CDKAL1: variants seen among roughly 807,000 people sequenced by gnomAD.
CDKAL1 encodes the protein CDKAL1 threonylcarbamoyladenosine tRNA methylthiotransferase, also known as threonylcarbamoyladenosine tRNA methylthiotransferase.
CDKAL1 carries 32 observed loss-of-function variants against 68.2 expected under a neutral mutation model. That is an observed-to-expected ratio of 0.47 (90% CI 0.35 to 0.63). The LOEUF (loss-of-function observed/expected upper bound fraction) is 0.63, where lower values mean the gene tolerates loss of function less well. Ranked by LOEUF, CDKAL1 falls within the 30% of genes least tolerant of loss-of-function variation. The probability of loss-of-function intolerance (pLI) is 0.00; values close to 1 mark genes in which losing one functional copy is unlikely to be tolerated. For missense variants in CDKAL1, 606 were observed against 696.7 expected (o/e 0.87, Z 1.47); for synonymous variants, 234 against 244.3 (o/e 0.96, Z 0.39).
intron 10 of CDKAL1, among the ~76,000 whole-genome samples, chr6:20,992,062 C>CT (rs1561943226): frequency 3.0e-5 from 3 of 101,692 alleles, no homozygotes; most frequent in Non-Finnish European, 5.4e-5. Context: ...TTGAGATACT[C>CT]TATCACCCAG....
At chr6:21,199,087 T>C (rs1459077441) in intron 14 of CDKAL1, among the ~76,000 whole-genome samples, 2 of 152,188 alleles carry the variant, frequency 1.3e-5, no homozygotes, top group Non-Finnish European at 2.9e-5. Context: ...TTCTTTCTTA[T>C]CAGATAAGAG....
At chr6:21,003,343 A>AATATATATAT (rs71540608) in intron 11 of CDKAL1, among the ~76,000 whole-genome samples, 2,753 of 40,322 alleles carry the variant, frequency 0.068, 349 homozygotes, top group Non-Finnish European at 0.1. Context: ...ATCTCTACTA[A>AATATATATAT]ATATATATAT....
intron 10 of CDKAL1, among the ~76,000 whole-genome samples, chr6:20,960,282 G>C (rs1764990885): frequency 1.3e-5 from 2 of 152,130 alleles, no homozygotes; most frequent in African/African-American, 4.8e-5. Context: ...GTGCCTGGCT[G>C]TTATTTTTGT....
chr6:21,153,386 G>T (rs1448677898), intron 13 of CDKAL1, among the ~76,000 whole-genome samples: 2 of 152,014 alleles, frequency 1.3e-5, no homozygotes, highest in African/African-American at 4.8e-5. Context: ...CCTCTATTCT[G>T]ATAAGTTAGC....
intron 5 of CDKAL1, among the ~76,000 whole-genome samples, chr6:20,734,686 G>C (rs1773104387): frequency 6.6e-6 from 1 of 151,992 alleles, no homozygotes. Flanking sequence ...TTATAGTTCT[G>C]GTCTGCCTTA....
intron 13 of CDKAL1, among the ~76,000 whole-genome samples, chr6:21,197,164 A>T (rs536784963): frequency 1.9e-3 from 282 of 151,898 alleles, no homozygotes; most frequent in African/African-American, 6.6e-3. Flanking sequence ...TCTCAAAAAA[A>T]AAAAATAATA....
chr6:20,705,322 A>G (rs181645111), intron 5 of CDKAL1, among the ~76,000 whole-genome samples: 62 of 152,324 alleles, frequency 4.1e-4, no homozygotes, highest in African/African-American at 1.5e-3. Flanking sequence ...TACTGAGCAC[A>G]ATTTTCACTG....
intron 5 of CDKAL1, chr6:20,723,717 TG>T (rs1378747176): frequency 2.6e-5 from 4 of 152,372 alleles, no homozygotes; most frequent in Admixed American, 2.6e-4. Flanking sequence ...CCTAAAATAC[TG>T]TTAGTCTCTG....
chr6:21,178,148 G>A (rs575611266), intron 13 of CDKAL1, among the ~76,000 whole-genome samples: 1 of 152,186 alleles, frequency 6.6e-6, no homozygotes, highest in Admixed American at 6.5e-5. Flanking sequence ...GAGAAGATGA[G>A]AGATGGAGAT....
chr6:20,639,178 C>T (rs9465850), intron 4 of CDKAL1, among the ~76,000 whole-genome samples: 28,871 of 152,014 alleles, frequency 0.19, 2,854 homozygotes, highest in East Asian at 0.37. Context: ...AAGAAAAAAT[C>T]GTCTTTCATA....
rs555719802 is a variant in CDKAL1, at chr6:21,197,971, C to T, written c.1300-50C>T. 4.3e-6 allele frequency: 5 copies of T among 1,154,816 alleles called. No homozygotes were observed. The Admixed American group carries it at 6.4e-5, about 15-fold the overall frequency. 71.5% of individuals were successfully genotyped at this position (1,154,816 alleles called of 1,614,324 possible). A position where few individuals can be genotyped will look rare whatever the true frequency, so the allele number is the denominator to read the frequency against. Reference sequence around the variant, plus strand: ...GCCTTTATTTTTATTTTTGGATTCACAGGTGTTTACCCTTATCTTTCCTTT... The same window carrying T: ...GCCTTTATTTTTATTTTTGGATTCATAGGTGTTTACCCTTATCTTTCCTTT... On this transcript the variant is annotated intron_variant, in intron 13 of 15. Transcript: ENST00000274695.
intron 8 of CDKAL1, among the ~76,000 whole-genome samples, chr6:20,822,181 G>A (rs1777311937): frequency 6.6e-6 from 1 of 152,098 alleles, no homozygotes; most frequent in South Asian, 2.1e-4. Context: ...GCATTATACT[G>A]AGTATATGGT....
chr6:21,214,943 T>C (rs1779290857), intron 15 of CDKAL1, among the ~76,000 whole-genome samples: 1 of 152,158 alleles, frequency 6.6e-6, no homozygotes, highest in Non-Finnish European at 1.5e-5. Context: ...TACCCCTTAC[T>C]GAAAAGGACT....
At chr6:21,220,813 T>A (rs1779514160) in intron 15 of CDKAL1, among the ~76,000 whole-genome samples, 2 of 152,212 alleles carry the variant, frequency 1.3e-5, no homozygotes, top group Admixed American at 1.3e-4. Flanking sequence ...GATGCAGCAG[T>A]TCCTGTTAGG....
intron 4 of CDKAL1, among the ~76,000 whole-genome samples, chr6:20,625,486 G>T (rs973499696): frequency 6.6e-6 from 1 of 152,060 alleles, no homozygotes; most frequent in South Asian, 2.1e-4. Flanking sequence ...GAATTGAAAA[G>T]TTCTGAATAT....
intron 5 of CDKAL1, among the ~76,000 whole-genome samples, chr6:20,733,911 G>A (rs1024608689): frequency 1.2e-4 from 18 of 152,132 alleles, no homozygotes; most frequent in Non-Finnish European, 2.1e-4. Flanking sequence ...CACTTTGGGA[G>A]GCTGAGGTGG....
chr6:20,829,367 AT>A (rs1561812217), intron 8 of CDKAL1, among the ~76,000 whole-genome samples: 1 of 152,182 alleles, frequency 6.6e-6, no homozygotes, highest in Non-Finnish European at 1.5e-5. Context: ...CAGTCGTTAG[AT>A]TTCATTAAAC....
intron 4 of CDKAL1, among the ~76,000 whole-genome samples, chr6:20,582,624 C>T (rs1765185298): frequency 6.6e-6 from 1 of 152,054 alleles, no homozygotes; most frequent in African/African-American, 2.4e-5. Flanking sequence ...ACGTTGTGGT[C>T]ACTGGAAATT....
chr6:20,577,109 G>A (rs540870258), intron 4 of CDKAL1, among the ~76,000 whole-genome samples: 47 of 152,148 alleles, frequency 3.1e-4, no homozygotes, highest in Middle Eastern at 3.4e-3. Flanking sequence ...TTCGTTGTTG[G>A]CGACCTAACC....
Sources: gnomAD v4.1 joint callset for allele counts (sites outside exome capture counted in the v4.1 genomes callset) on GRCh38, gnomAD v4.1.1 for gene constraint, MANE v1.5 for transcripts, NCBI Gene and HGNC (gene_info 2026-07-23, HGNC 2026-07-21) for gene names.